Variants in ATG4B observed in about 807,000 individuals in gnomAD.
ATG4B encodes cysteine protease ATG4B.
In ATG4B, 29 loss-of-function variants were observed where a neutral mutation model predicts 56.6. That is an observed-to-expected ratio of 0.51 (90% CI 0.38 to 0.70). ATG4B has a LOEUF of 0.70. ATG4B is among the 30% of genes least tolerant of loss of function. The pLI is 0.00. For missense variants in ATG4B, 461 were observed against 515.5 expected (o/e 0.89, Z 1.02); for synonymous variants, 224 against 206.1 (o/e 1.09, Z -0.74).
chr2:241,648,550 A>C (rs935329451), intron 1 of ATG4B, among the ~76,000 whole-genome samples: 1 of 151,308 alleles, frequency 6.6e-6, no homozygotes, highest in Admixed American at 6.6e-5. Flanking sequence ...AGCTGTGATT[A>C]CACCACTGTA....
intron 1 of ATG4B, among the ~76,000 whole-genome samples, chr2:241,645,758 A>G (rs544462086): frequency 1.3e-5 from 2 of 152,176 alleles, no homozygotes; most frequent in East Asian, 1.9e-4. Context: ...AGGAGGGTGC[A>G]GTGTGGTGGG....
At position 241,673,823 on chromosome 2, in the gene ATG4B, T is replaced by G. The variant is rs968442574; in HGVS notation, c.*1559T>G. On this transcript the variant is annotated 3_prime_UTR_variant, in exon 13 of 13. Coordinates refer to ENST00000404914, the MANE Select transcript of ATG4B (RefSeq NM_013325.5). Reference sequence around the variant, plus strand: ...TTCTTAGTAGTATAGTTTGCAATTCTTAATGGCAAATAATAAGTTTCAGTA... The same window carrying G: ...TTCTTAGTAGTATAGTTTGCAATTCGTAATGGCAAATAATAAGTTTCAGTA... 1 of 429,228 alleles carries G rather than the reference T, an allele frequency of 2.3e-6. No individual in the cohort carries two copies. Among genetic ancestry groups the G allele is most frequent in the African/African-American group, 2.0e-5 (1 of 49,350 alleles). The allele number at this position is 429,228 out of a possible 1,614,324, so 26.6% of individuals were successfully genotyped here.
In ATG4B at chr2:241,672,716, T is replaced by C. The variant is rs546986668; in HGVS notation, c.*452T>C. 7.0e-3 allele frequency: 1,278 copies of C among 181,288 alleles called. 11 individuals carry two copies. The highest frequency in any genetic ancestry group is 0.029 in the African/African-American group (1,217 of 42,518). 11.2% of individuals were successfully genotyped at this position (181,288 alleles called of 1,614,324 possible). On this transcript the variant is annotated 3_prime_UTR_variant, in exon 13 of 13. Coordinates refer to ENST00000404914, the MANE Select transcript of ATG4B (RefSeq NM_013325.5). ...GGCGTGAGAGGAGCGGCAGCCACAC[T>C]GCGGCCCCACGCCCAAGGACTGGGC...
chr2:241,654,460 G>T, intron 4 of ATG4B, 86 bp from the exon 5 acceptor site: 1 of 774,540 alleles, frequency 1.3e-6, no homozygotes. Context: ...AAAAAGGTTT[G>T]GATGCCATCT....
At position 241,672,945 on chromosome 2, in the gene ATG4B, C is replaced by T. The variant is rs1040482666; in HGVS notation, c.*681C>T. The T allele has an allele frequency of 4.3e-5, 7 of 163,160 alleles. No homozygotes were observed. The highest frequency in any genetic ancestry group is 1.1e-4 in the Admixed American group (2 of 17,572). The allele number at this position is 163,160 out of a possible 1,614,324, so 10.1% of individuals were successfully genotyped here. ...AGCGTGGGCGGCCTGGGCAGAAGGG[C>T]GGCTGGCTGTCCTGGAGCTGCTGCT... is the stretch of plus-strand genomic sequence containing the variant. On this transcript the variant is annotated 3_prime_UTR_variant, in exon 13 of 13. Transcript: ENST00000404914.
chr2:241,645,361 C>T (rs193298108), intron 1 of ATG4B, among the ~76,000 whole-genome samples: 4 of 152,224 alleles, frequency 2.6e-5, no homozygotes, highest in African/African-American at 4.8e-5. Context: ...GAGGAAAGGA[C>T]GTTATGTTGG....
intron 5 of ATG4B, 81 bp from the exon 6 acceptor site, chr2:241,655,189 AC>A: frequency 6.3e-6 from 9 of 1,419,952 alleles, no homozygotes; most frequent in Non-Finnish European, 8.8e-6. Flanking sequence ...CCTTCCTGTG[AC>A]GTGTCTCCTG....
chr2:241,655,449 T>A, intron 6 of ATG4B, 106 bp downstream of exon 6: 1 of 1,140,732 alleles, frequency 8.8e-7, no homozygotes, highest in African/African-American at 1.6e-5. Context: ...GGTCTCTAAT[T>A]ATTTACTTCA....
intron 1 of ATG4B, among the ~76,000 whole-genome samples, chr2:241,642,281 A>C (rs1222227036): frequency 6.6e-6 from 1 of 151,778 alleles, no homozygotes; most frequent in South Asian, 2.1e-4. Context: ...GTGTGCACTG[A>C]AACAGTGTTT....
intron 8 of ATG4B, among the ~76,000 whole-genome samples, chr2:241,667,462 G>T (rs1464838714): frequency 6.6e-6 from 1 of 151,678 alleles, no homozygotes; most frequent in African/African-American, 2.4e-5. Flanking sequence ...AAATTAGCCG[G>T]GCATGGTGGT....
Position 241,672,657 on chromosome 2 carries a change from CCT to C in ATG4B, c.*394_*395del, listed in dbSNP as rs2069020973. On this transcript the variant is annotated 3_prime_UTR_variant, in exon 13 of 13. Transcript: ENST00000404914. ...CACAGACATGAATTTCTGGGCGCTCCCTGAGTCAGAGTCTCAGAAGACCTGTG... is the reference window on the plus strand; with the variant it reads ...CACAGACATGAATTTCTGGGCGCTCCGAGTCAGAGTCTCAGAAGACCTGTG... 4.0e-6 allele frequency: 1 copy of C among 247,770 alleles called. No homozygotes were observed. The highest frequency in any genetic ancestry group is 5.1e-5 in the South Asian group (1 of 19,448). 15.3% of individuals were successfully genotyped at this position (247,770 alleles called of 1,614,324 possible). A position where few individuals can be genotyped will look rare whatever the true frequency, so the allele number is the denominator to read the frequency against.
intron 4 of ATG4B, among the ~76,000 whole-genome samples, 168 bp from the exon 5 acceptor site, chr2:241,654,378 G>T (rs1240904262): frequency 7.1e-6 from 1 of 141,770 alleles, no homozygotes; most frequent in Non-Finnish European, 1.5e-5. Flanking sequence ...CCGAGATCAC[G>T]CCATTGCACT....
rs1414756402 is a variant in ATG4B at position 241,668,023 on chromosome 2, C to CTGTCCCCTCT, written c.733-116_733-107dup. 2.2e-6 allele frequency: 2 copies of CTGTCCCCTCT among 901,330 alleles called. No individual in the cohort carries two copies. The highest frequency in any genetic ancestry group is 3.4e-6 in the Non-Finnish European group (2 of 593,788). 55.8% of individuals were successfully genotyped at this position (901,330 alleles called of 1,614,324 possible). A position where few individuals can be genotyped will look rare whatever the true frequency, so the allele number is the denominator to read the frequency against. ...AAGCTCTTTGGTACCATGTCCCCTC[C>CTGTCCCCTCT]TGTCCCCTCTTGTGTCACCCAGTTG... On this transcript the variant is annotated intron_variant, in intron 8 of 12. Coordinates refer to ENST00000404914, the MANE Select transcript of ATG4B (RefSeq NM_013325.5). The surrounding 1 kb of genome is among the most constrained non-coding windows in gnomAD (Gnocchi z 4.2).
rs1575089377 is a variant in ATG4B, at chr2:241,667,749, G to A, written c.733-394G>A. 5 of 182,738 alleles carry A rather than the reference G, an allele frequency of 2.7e-5. No individual in the cohort carries two copies. The South Asian group carries it at 6.7e-4, about 24-fold the overall frequency. 11.3% of individuals were successfully genotyped at this position (182,738 alleles called of 1,614,324 possible). A position where few individuals can be genotyped will look rare whatever the true frequency, so the allele number is the denominator to read the frequency against. On this transcript the variant is annotated intron_variant, in intron 8 of 12. Coordinates refer to ENST00000404914, the MANE Select transcript of ATG4B (RefSeq NM_013325.5). ...TCAGTTGTCTGAACTTGGCCCCTCC[G>A]TCCAGCCTTCTGCCCATCCTGTGGG...
chr2:241,645,382 A>G (rs2068032557), intron 1 of ATG4B, among the ~76,000 whole-genome samples: 1 of 152,208 alleles, frequency 6.6e-6, no homozygotes, highest in South Asian at 2.1e-4. Context: ...ATTCAGTGTT[A>G]GTAAAGAGAC....
rs1559278970 is a variant in ATG4B at position 241,673,457 on chromosome 2, C to CT, written c.*1193_*1194insT. 9 of 385,396 alleles carry CT rather than the reference C, an allele frequency of 2.3e-5. No individual in the cohort carries two copies. The East Asian group carries it at 6.0e-4, about 26-fold the overall frequency. 23.9% of individuals were successfully genotyped at this position (385,396 alleles called of 1,614,324 possible). A position where few individuals can be genotyped will look rare whatever the true frequency, so the allele number is the denominator to read the frequency against. On this transcript the variant is annotated 3_prime_UTR_variant, in exon 13 of 13. Transcript: ENST00000404914. ...CAGCTACTGCGGCGTTGGCAGGACTCGCTGCTGCTGCTGCTGCTTGTGTAG... is the reference window on the plus strand; with the variant it reads ...CAGCTACTGCGGCGTTGGCAGGACTCTGCTGCTGCTGCTGCTGCTTGTGTAG...
chr2:241,648,594 C>CAA (rs35764376), intron 1 of ATG4B, among the ~76,000 whole-genome samples: 126 of 135,428 alleles, frequency 9.3e-4, no homozygotes, highest in Admixed American at 3.0e-3. Flanking sequence ...GTCCCGGTCT[C>CAA]AAAAAAAAAA....
At chr2:241,671,857 T>C (rs34410285) in intron 12 of ATG4B, 287,874 of 1,288,060 alleles carry the variant, frequency 0.22, 33,310 homozygotes, top group East Asian at 0.27. Context: ...CCTCCTCATC[T>C]CTGTCTCCCT....
At position 241,672,758 on chromosome 2, in the gene ATG4B, G is replaced by C. The variant is rs1049252576; in HGVS notation, c.*494G>C. ...GGACTGGGCTGCTCTCGAGGGGGGC[G>C]CGCCCACCGCTGTGTCCTCTCTGCC... On this transcript the variant is annotated 3_prime_UTR_variant, in exon 13 of 13. Coordinates refer to ENST00000404914, the MANE Select transcript of ATG4B (RefSeq NM_013325.5). 5.8e-6 allele frequency: 1 copy of C among 171,510 alleles called. No homozygotes were observed. The highest frequency in any genetic ancestry group is 1.3e-5 in the Non-Finnish European group (1 of 78,616). The allele number at this position is 171,510 out of a possible 1,614,324, so 10.6% of individuals were successfully genotyped here. A position where few individuals can be genotyped will look rare whatever the true frequency, so the allele number is the denominator to read the frequency against.
Sources: allele counts gnomAD v4.1 joint callset (sites outside exome capture counted in the v4.1 genomes callset), GRCh38; gene constraint gnomAD v4.1.1; non-coding constraint Gnocchi (gnomAD v3.1); transcripts MANE v1.5; gene names NCBI Gene and HGNC (gene_info 2026-07-23, HGNC 2026-07-21).